The following NBEAL1 variants were observed in gnomAD, a reference collection of about 807,000 sequenced individuals.
NBEAL1 encodes neurobeachin like 1.
A neutral mutation model predicts 351.3 loss-of-function variants in NBEAL1; 273 were observed. The observed-to-expected ratio is 0.78, with a 90% CI of 0.70 to 0.86. The LOEUF is 0.86. NBEAL1 is among the 40% of genes least tolerant of loss of function. The pLI, the probability that NBEAL1 is intolerant of heterozygous loss-of-function variation, is 0.00. For synonymous variants in NBEAL1, 1,050 were observed against 1,086.4 expected, an observed-to-expected ratio of 0.97 and a Z score of 0.66; for missense variants, 2,961 against 3,201.3, an observed-to-expected ratio of 0.92 and a Z score of 1.81.
chr2:203,224,301 G>C lies in NBEAL1; in HGVS notation c.*6947G>C, dbSNP rs1478118356. ...AGAAAACTTCTTAGAAAACTATGTGGCTGGTTGGTTCCATTTAGAAACTCT... is the reference window on the plus strand; with the variant it reads ...AGAAAACTTCTTAGAAAACTATGTGCCTGGTTGGTTCCATTTAGAAACTCT... On this transcript the variant is annotated 3_prime_UTR_variant, in exon 56 of 56. Coordinates refer to ENST00000683969, the MANE Select transcript of NBEAL1 (RefSeq NM_001378026.1). Among the ~76,000 whole-genome samples the C allele has an allele frequency of 1.3e-5, 2 of 151,954 alleles. No homozygotes were observed. Among genetic ancestry groups the C allele is most frequent in the Non-Finnish European group, 2.9e-5 (2 of 67,934 alleles).
chr2:203,045,801 A>G (rs2061216566), intron 3 of NBEAL1, among the ~76,000 whole-genome samples: 2 of 152,220 alleles, frequency 1.3e-5, no homozygotes, highest in African/African-American at 4.8e-5. Flanking sequence ...TATAATTGTC[A>G]TTTAATCATA....
intron 17 of NBEAL1, among the ~76,000 whole-genome samples, chr2:203,113,815 G>C (rs2062626001): frequency 1.5e-5 from 2 of 130,180 alleles, no homozygotes; most frequent in African/African-American, 5.5e-5. Flanking sequence ...GATCTCCTGT[G>C]TCTCTCTTTT....
intron 3 of NBEAL1, among the ~76,000 whole-genome samples, chr2:203,042,585 C>CTTTT (rs769416087): frequency 2.5e-4 from 34 of 137,452 alleles, no homozygotes; most frequent in Non-Finnish European, 4.6e-4. Context: ...AATGCTTGTT[C>CTTTT]TTTTTTTTTT....
At position 203,106,409 on chromosome 2, in the gene NBEAL1, G is replaced by T. The variant is rs545167699; in HGVS notation, c.1270-1011G>T. 1.4e-4 allele frequency among the ~76,000 whole-genome samples: 21 copies of T among 152,264 alleles called. 1 individual carries two copies. The South Asian group carries it at 3.5e-3, about 26-fold the overall frequency. On this transcript the variant is annotated intron_variant, in intron 12 of 55. Transcript: ENST00000683969. Reference sequence around the variant, plus strand: ...AAATGTTGACATAACTCATGGTTAGGTTCCTATTGAATAGGCTTTTACAAC... The same window carrying T: ...AAATGTTGACATAACTCATGGTTAGTTTCCTATTGAATAGGCTTTTACAAC...
At chr2:203,025,891 T>A (rs2060848517) in intron 2 of NBEAL1, among the ~76,000 whole-genome samples, 1 of 152,162 alleles carries the variant, frequency 6.6e-6, no homozygotes, top group African/African-American at 2.4e-5. Context: ...CTTTTTTTTT[T>A]ATCCCATCAT....
chr2:203,051,586 A>G (rs1156873157), intron 4 of NBEAL1, among the ~76,000 whole-genome samples: 1 of 151,740 alleles, frequency 6.6e-6, no homozygotes, highest in Admixed American at 6.6e-5. Context: ...TTATTCAGGT[A>G]GTAAGACATA....
chr2:203,206,709 C>A (rs1012354172), intron 51 of NBEAL1, among the ~76,000 whole-genome samples: 2 of 152,068 alleles, frequency 1.3e-5, no homozygotes, highest in Non-Finnish European at 2.9e-5. Flanking sequence ...ACGGAGTCTC[C>A]TTCACTCAGT....
In NBEAL1 at chr2:203,222,937, A is replaced by C. The variant is rs1002757365; in HGVS notation, c.*5583A>C. Among the ~76,000 whole-genome samples the C allele has an allele frequency of 6.6e-5, 10 of 152,206 alleles. No individual in the cohort carries two copies. The highest frequency in any genetic ancestry group is 1.0e-4 in the Non-Finnish European group (7 of 68,022). On this transcript the variant is annotated 3_prime_UTR_variant, in exon 56 of 56. Coordinates refer to ENST00000683969, the MANE Select transcript of NBEAL1 (RefSeq NM_001378026.1). The stretch of plus-strand genomic sequence containing the variant: ...TAACATTTAAGATGTTTAATTCCAA[A>C]TAGGAAATAATTCAGTTTTCTGTGT...
intron 7 of NBEAL1, among the ~76,000 whole-genome samples, chr2:203,071,505 A>G (rs112090757): frequency 6.6e-6 from 1 of 152,290 alleles, no homozygotes; most frequent in Non-Finnish European, 1.5e-5. Context: ...TTGGGGGTAT[A>G]CAGTTCACTC....
At chr2:203,171,796 T>C (rs2064326313) in intron 39 of NBEAL1, 132 bp from the exon 40 acceptor site, 1 of 461,522 alleles carries the variant, frequency 2.2e-6, no homozygotes. Context: ...TTAGGAAAAG[T>C]ATATTGATTT....
At position 203,026,994 on chromosome 2, in the gene NBEAL1, C is replaced by G. The variant is rs983654027; in HGVS notation, c.51+10559C>G. Reference sequence around the variant, plus strand: ...CGTTCAGCCTGGCTGTTGACAAAAACCCTTGATTTCTTCTTATTATTTTTA... The same window carrying G: ...CGTTCAGCCTGGCTGTTGACAAAAAGCCTTGATTTCTTCTTATTATTTTTA... On this transcript the variant is annotated intron_variant, in intron 2 of 55. Transcript: ENST00000683969. 3.3e-5 allele frequency among the ~76,000 whole-genome samples: 5 copies of G among 152,256 alleles called. No individual in the cohort carries two copies. The South Asian group carries it at 1.0e-3, about 32-fold the overall frequency.
At chr2:203,206,572 C>G (rs767690050) in intron 51 of NBEAL1, among the ~76,000 whole-genome samples, 2 of 139,068 alleles carry the variant, frequency 1.4e-5, no homozygotes, top group African/African-American at 2.6e-5. Flanking sequence ...CGCGCCGCCA[C>G]GCCTGACTGG....
rs992581636 is a variant in NBEAL1, at chr2:203,068,460, G to A, written c.583G>A (p.Val195Ile). 27 of 1,543,812 alleles carry A rather than the reference G, an allele frequency of 1.7e-5. No individual in the cohort carries two copies. The highest frequency in any genetic ancestry group is 1.6e-4 in the African/African-American group (12 of 72,918). Residue 195 changes from valine to isoleucine, a missense_variant, in exon 7 of 56, where the codon GTC becomes ATC. By Grantham distance (29) the Val-to-Ile change is conservative. Transcript: ENST00000683969. ...YKPASLTVEF[V>I]PFFYQCFQES... is the part of the protein sequence containing the mutation. ...ACCAGCTTCTCTCACAGTGGAATTC[G>A]TCCCTTTCTTTTATCGTAAGTAACA... is the stretch of plus-strand genomic sequence containing the variant.
chr2:203,202,807 A>C (rs761914707), intron 51 of NBEAL1, 26 bp downstream of exon 51: 1 of 1,307,934 alleles, frequency 7.6e-7, no homozygotes, highest in South Asian at 1.2e-5. Context: ...AATGTTCTTG[A>C]ATTAGGTCAG....
chr2:203,077,958 A>C, intron 8 of NBEAL1, 121 bp downstream of exon 8: 1 of 471,022 alleles, frequency 2.1e-6, no homozygotes, highest in Non-Finnish European at 3.5e-6. Context: ...TATTGAACTT[A>C]TATATTGTAA....
chr2:203,190,201 CA>C (rs2065029564), intron 45 of NBEAL1, 90 bp from the exon 46 acceptor site: 3 of 517,998 alleles, frequency 5.8e-6, no homozygotes, highest in South Asian at 5.6e-5. Context: ...CACACACACA[CA>C]CACACACCAA....
Position 203,188,511 on chromosome 2 carries a change from G to T in NBEAL1, c.6745G>T (p.Asp2249Tyr), listed in dbSNP as rs779076407. ...TTCAGCTCATCTTCATGAATGGATA[G>T]ATCTGATCTTTGGCTATAAACAGAG... ...YVSAHLHEWI[D>Y]LIFGYKQRGP... Residue 2249 changes from aspartate to tyrosine, a missense_variant, in exon 45 of 56, where the codon GAT (aspartate) becomes TAT (tyrosine). Asp to Tyr is a radical substitution (Grantham distance 160, BLOSUM62 -3). Coordinates refer to ENST00000683969, the MANE Select transcript of NBEAL1 (RefSeq NM_001378026.1). The T allele has an allele frequency of 6.2e-7, 1 of 1,607,394 alleles. No individual in the cohort carries two copies. Among genetic ancestry groups the T allele is most frequent in the Non-Finnish European group, 8.5e-7 (1 of 1,177,258 alleles).
intron 36 of NBEAL1, among the ~76,000 whole-genome samples, chr2:203,164,812 A>G (rs1191276495): frequency 6.6e-6 from 1 of 152,070 alleles, no homozygotes; most frequent in African/African-American, 2.4e-5. Context: ...AGCTGGCTTA[A>G]AAGATTTACT....
At chr2:203,206,360 A>C (rs1299665008) in intron 51 of NBEAL1, among the ~76,000 whole-genome samples, 1 of 152,024 alleles carries the variant, frequency 6.6e-6, no homozygotes, top group Non-Finnish European at 1.5e-5. Context: ...CAGAAACTAC[A>C]AGAAAGAAAG....
Sources: gnomAD v4.1 joint callset for allele counts (sites outside exome capture counted in the v4.1 genomes callset) on GRCh38, gnomAD v4.1.1 for gene constraint, MANE v1.5 for transcripts, NCBI Gene and HGNC (gene_info 2026-07-23, HGNC 2026-07-21) for gene names.